The following CSNK2A1 variants were observed in gnomAD, a reference collection of about 807,000 sequenced individuals.
CSNK2A1 encodes casein kinase 2 alpha 1.
In CSNK2A1, 10 loss-of-function variants were observed where a neutral mutation model predicts 62.9. The observed-to-expected ratio is 0.16, with a 90% confidence interval of 0.10 to 0.27. CSNK2A1 has a LOEUF of 0.27. Ranked by LOEUF, CSNK2A1 falls within the 10% of genes least tolerant of loss-of-function variation. The probability of loss-of-function intolerance (pLI) is 1.00; values close to 1 mark genes in which losing one functional copy is unlikely to be tolerated. For synonymous variants in CSNK2A1, 124 were observed against 167.8 expected (o/e 0.74, Z 2.02); for missense variants, 160 against 492.0 (o/e 0.33, Z 6.38).
Position 543,664 on chromosome 20 carries a change from C to A in CSNK2A1, c.-227+8G>T. 5.0e-6 allele frequency: 2 copies of A among 398,164 alleles called. No individual in the cohort carries two copies. Among genetic ancestry groups the A allele is most frequent in the South Asian group, 2.7e-4 (2 of 7,416 alleles). 24.7% of individuals were successfully genotyped at this position (398,164 alleles called of 1,614,324 possible). A position where few individuals can be genotyped will look rare whatever the true frequency, so the allele number is the denominator to read the frequency against. On this transcript the variant is annotated splice_region_variant and intron_variant, in intron 1 of 13. Coordinates refer to ENST00000217244, the MANE Select transcript of CSNK2A1 (RefSeq NM_177559.3). Reference sequence around the variant, plus strand: ...GCCAACGACCTCGCCTGGCTGCTCCCTAGGTACCTGTGGTGGAAGCGGCAG... The same window carrying A: ...GCCAACGACCTCGCCTGGCTGCTCCATAGGTACCTGTGGTGGAAGCGGCAG...
chr20:484,690 GTTTT>G lies in CSNK2A1; in HGVS notation c.1061-618_1061-615del, dbSNP rs577564912. Among the ~76,000 whole-genome samples, 231 of 134,026 alleles carry G rather than the reference GTTTT, an allele frequency of 1.7e-3. 1 individual carries two copies. The highest frequency in any genetic ancestry group is 6.9e-3 in the African/African-American group (223 of 32,124). The allele number at this position is 134,026 out of a possible 152,430, so 87.9% of individuals were successfully genotyped here. A position where few individuals can be genotyped will look rare whatever the true frequency, so the allele number is the denominator to read the frequency against. On this transcript the variant is annotated intron_variant, in intron 13 of 13. Transcript: ENST00000217244. ...TGATTTCTTCCACCTCTCTAATCAT[GTTTT>G]TGTGTGTGTGTGTGTGTGTGTGTGT...
rs2017978551 is a variant in CSNK2A1 at position 482,760 on chromosome 20, G to A, written c.*1201C>T. 6.6e-6 allele frequency: 1 copy of A among 152,612 alleles called. No individual in the cohort carries two copies. Among genetic ancestry groups the A allele is most frequent in the Admixed American group, 6.5e-5 (1 of 15,274 alleles). 9.5% of individuals were successfully genotyped at this position (152,612 alleles called of 1,614,324 possible). A position where few individuals can be genotyped will look rare whatever the true frequency, so the allele number is the denominator to read the frequency against. The stretch of plus-strand genomic sequence containing the variant: ...CAACACTGGATCTTTCACATATGAA[G>A]GACAAAGTATTATATATATACACAC... On this transcript the variant is annotated 3_prime_UTR_variant, in exon 14 of 14. Coordinates refer to ENST00000217244, the MANE Select transcript of CSNK2A1 (RefSeq NM_177559.3).
At chr20:508,709 T>A in intron 2 of CSNK2A1, 49 bp from the exon 3 acceptor site, 2 of 628,728 alleles carry the variant, frequency 3.2e-6, no homozygotes, top group African/African-American at 1.9e-5. Flanking sequence ...ACAGAAGGTA[T>A]ATGGGAAGGA....
At chr20:492,612 A>T in intron 8 of CSNK2A1, 1 of 474,144 alleles carries the variant, frequency 2.1e-6, no homozygotes, top group African/African-American at 2.0e-5. Context: ...TCAATGACTA[A>T]AATGTCCCTA....
chr20:541,866 T>A (rs536044307), intron 1 of CSNK2A1, among the ~76,000 whole-genome samples: 1 of 152,114 alleles, frequency 6.6e-6, no homozygotes, highest in Non-Finnish European at 1.5e-5. Context: ...CCTCCCGCAA[T>A]AGCAAACCAA....
At chr20:497,623 C>G in intron 7 of CSNK2A1, 98 bp downstream of exon 7, 1 of 1,038,978 alleles carries the variant, frequency 9.6e-7, no homozygotes, top group Non-Finnish European at 1.4e-6. Context: ...TTTCAACATA[C>G]TTTACAAAGT....
intron 1 of CSNK2A1, among the ~76,000 whole-genome samples, chr20:530,555 C>T (rs1263178025): frequency 1.3e-5 from 2 of 151,246 alleles, no homozygotes. Context: ...TTCACTGCAG[C>T]CTCACACTCC....
chr20:489,919 C>G (rs949780072), intron 9 of CSNK2A1, 38 bp from the exon 10 acceptor site: 9 of 1,471,732 alleles, frequency 6.1e-6, no homozygotes, highest in African/African-American at 1.4e-5. Context: ...ATCTGTGAAT[C>G]CTCAGGCTTG....
rs904030774 is a variant in CSNK2A1 at position 476,927 on chromosome 20, G to A, written c.*7034C>T. The A allele has an allele frequency of 3.9e-5, 6 of 152,214 alleles. No homozygotes were observed. Among genetic ancestry groups the A allele is most frequent in the Admixed American group, 2.0e-4 (3 of 15,280 alleles). 9.4% of individuals were successfully genotyped at this position (152,214 alleles called of 1,614,324 possible). ...TCTTTTACAGACAGGGTCTCACTCT[G>A]TTGCTCAGTCTGGGGTGCAGTGGCA... is the stretch of plus-strand genomic sequence containing the variant. On this transcript the variant is annotated 3_prime_UTR_variant, in exon 14 of 14. Transcript: ENST00000217244.
intron 2 of CSNK2A1, 70 bp from the exon 3 acceptor site, chr20:508,730 C>T: frequency 1.8e-6 from 1 of 569,274 alleles, no homozygotes; most frequent in Admixed American, 3.4e-5. Flanking sequence ...AATAATCTTA[C>T]AAATAATAAT....
At position 477,415 on chromosome 20, in the gene CSNK2A1, GAC is replaced by G. The variant is rs2017868539; in HGVS notation, c.*6544_*6545del. 6.6e-6 allele frequency: 1 copy of G among 152,326 alleles called. No individual in the cohort carries two copies. Among genetic ancestry groups the G allele is most frequent in the East Asian group, 1.9e-4 (1 of 5,178 alleles). The allele number at this position is 152,326 out of a possible 1,614,324, so 9.4% of individuals were successfully genotyped here. On this transcript the variant is annotated 3_prime_UTR_variant, in exon 14 of 14. Coordinates refer to ENST00000217244, the MANE Select transcript of CSNK2A1 (RefSeq NM_177559.3). ...CGCCATGTTGTCCAGGCTGGTCTGG[GAC>G]TCCCGGCTCCCAAAGTGTTCCAACC...
At position 533,116 on chromosome 20, in the gene CSNK2A1, T is replaced by C. The variant is rs566355183; in HGVS notation, c.-226-5067A>G. Reference sequence around the variant, plus strand: ...TTGTTTTTTCAAGTGGGGAAATATATACAGCTCAAAAAAACAAAAAAATAT... The same window carrying C: ...TTGTTTTTTCAAGTGGGGAAATATACACAGCTCAAAAAAACAAAAAAATAT... On this transcript the variant is annotated intron_variant, in intron 1 of 13. Coordinates refer to ENST00000217244, the MANE Select transcript of CSNK2A1 (RefSeq NM_177559.3). Among the ~76,000 whole-genome samples the C allele has an allele frequency of 7.2e-5, 11 of 152,330 alleles. No individual in the cohort carries two copies. The East Asian group carries it at 7.7e-4, about 11-fold the overall frequency.
In CSNK2A1 at chr20:527,978, G is replaced by A. The variant is rs1215061771; in HGVS notation, c.-155C>T. The A allele has an allele frequency of 6.6e-6, 1 of 152,168 alleles. No homozygotes were observed. Among genetic ancestry groups the A allele is most frequent in the Non-Finnish European group, 1.5e-5 (1 of 68,032 alleles). 9.4% of individuals were successfully genotyped at this position (152,168 alleles called of 1,614,324 possible). The stretch of plus-strand genomic sequence containing the variant: ...CAGTATGGGTGAATGATGTTTCTTG[G>A]AGATTTTATGAGGTTCCACGCTGCA... On this transcript the variant is annotated 5_prime_UTR_variant, in exon 2 of 14. Transcript: ENST00000217244.
intron 1 of CSNK2A1, among the ~76,000 whole-genome samples, chr20:532,169 CTT>C (rs1327080907): frequency 1.4e-5 from 2 of 145,518 alleles, no homozygotes; most frequent in Admixed American, 6.9e-5. Context: ...AAACTTTTAA[CTT>C]TTTTTTTTTT....
At chr20:487,918 C>T (rs2018133896) in intron 11 of CSNK2A1, 1 of 323,158 alleles carries the variant, frequency 3.1e-6, no homozygotes. Flanking sequence ...TTCCTGGCAT[C>T]TCTGCCAATT....
chr20:526,655 T>G (rs2019096388), intron 2 of CSNK2A1: 1 of 148,448 alleles, frequency 6.7e-6, no homozygotes, highest in African/African-American at 2.5e-5. Context: ...GTGCTTGATT[T>G]AAGAAAAAAA....
At chr20:497,632 G>T in intron 7 of CSNK2A1, 89 bp downstream of exon 7, 1 of 1,138,754 alleles carries the variant, frequency 8.8e-7, no homozygotes, top group African/African-American at 1.5e-5. Flanking sequence ...ACTTTACAAA[G>T]TTAATCTGCT....
intron 2 of CSNK2A1, among the ~76,000 whole-genome samples, chr20:516,466 A>G (rs1313376556): frequency 6.6e-6 from 1 of 152,228 alleles, no homozygotes; most frequent in Non-Finnish European, 1.5e-5. Context: ...TTAATAAAGT[A>G]TAAGTAAATA....
chr20:518,278 G>A (rs1397773159), intron 2 of CSNK2A1, among the ~76,000 whole-genome samples: 1 of 152,180 alleles, frequency 6.6e-6, no homozygotes, highest in African/African-American at 2.4e-5. Flanking sequence ...CCAAAGCCCA[G>A]GGCTCTCACA....
Sources: allele counts gnomAD v4.1 joint callset (sites outside exome capture counted in the v4.1 genomes callset), GRCh38; gene constraint gnomAD v4.1.1; transcripts MANE v1.5; gene names NCBI Gene and HGNC (gene_info 2026-07-23, HGNC 2026-07-21).